The following CYP2A6 variants were observed in gnomAD, a reference collection of about 807,000 sequenced individuals.
CYP2A6 encodes cytochrome P450 2A6.
A neutral mutation model predicts 42.3 loss-of-function variants in CYP2A6; 27 were observed. The observed-to-expected ratio is 0.64, with a 90% confidence interval of 0.47 to 0.88. CYP2A6 has a LOEUF of 0.88. Ranked by LOEUF, CYP2A6 falls within the 40% of genes least tolerant of loss-of-function variation. The pLI, the probability that CYP2A6 is intolerant of heterozygous loss-of-function variation, is 0.00. For missense variants in CYP2A6, 628 were observed against 646.0 expected, an observed-to-expected ratio of 0.97 and a Z score of 0.30; for synonymous variants, 238 against 246.3, an observed-to-expected ratio of 0.97 and a Z score of 0.31.
chr19:40,849,968 A>G lies in CYP2A6; in HGVS notation c.193T>C (p.Tyr65His), dbSNP rs1967190483. ...AAGTGAATGGTGAACACGGGGCCAT[A>G]GCGCTCACTGATCTGATGGAGGTGG... ...YNSLMKISER[Y>H]GPVFTIHLGP... The change falls in exon 2 of 9, where the codon TAT (tyrosine) becomes CAT (histidine). Residue 65 changes from tyrosine to histidine, a missense_variant. This residue lies in a region of CYP2A6 where 606 missense variants were observed against 568.1 expected (regional missense o/e 1.07). Coordinates refer to ENST00000301141, the MANE Select transcript of CYP2A6 (RefSeq NM_000762.6). The G allele has an allele frequency of 1.2e-6, 2 of 1,610,920 alleles. No individual in the cohort carries two copies. Among genetic ancestry groups the G allele is most frequent in the Non-Finnish European group, 1.7e-6 (2 of 1,179,430 alleles).
chr19:40,850,310 T>C lies in CYP2A6; in HGVS notation c.117A>G (p.Pro39=). The C allele has an allele frequency of 1.2e-6, 2 of 1,610,024 alleles. No homozygotes were observed. Among genetic ancestry groups the C allele is most frequent in the Non-Finnish European group, 1.7e-6 (2 of 1,178,810 alleles). The change falls in exon 1 of 9, where the codon CCA becomes CCG. Residue 39 remains proline, a synonymous_variant. Transcript: ENST00000301141. ...GCAGGTAGTTTCCAATGAAGGGCAA[T>C]GGGGTGGGTCCCGGAGGCAGCTTCC... The part of the protein sequence containing the change: ...SKGKLPPGPT[P]LPFIGNYLQL...
At chr19:40,845,121 A>T in intron 7 of CYP2A6, 173 bp downstream of exon 7, 1 of 759,674 alleles carries the variant, frequency 1.3e-6, no homozygotes, top group South Asian at 1.8e-5. Context: ...GAGATGCAGG[A>T]CTCAGGAGTG....
In CYP2A6 at chr19:40,848,715, G is replaced by T; in HGVS notation, c.392C>A (p.Ser131Tyr). 1 of 1,611,880 alleles carries T rather than the reference G, an allele frequency of 6.2e-7. No individual in the cohort carries two copies. The highest frequency in any genetic ancestry group is 1.3e-5 in the African/African-American group (1 of 74,830). ...GERAKQLRRF[S>Y]IATLRDFGVG... ...CCCGAAGTCCCGCAGGGTGGCGATG[G>T]AGAAGCGCCGGAGCTGCTTGGCGCG... The change falls in exon 3 of 9, where the codon TCC becomes TAC. Residue 131 changes from serine (S) to tyrosine (Y), a missense_variant. Coordinates refer to ENST00000301141, the MANE Select transcript of CYP2A6 (RefSeq NM_000762.6).
chr19:40,845,200 C>T (rs1474119215), intron 7 of CYP2A6, 94 bp downstream of exon 7: 3 of 1,515,294 alleles, frequency 2.0e-6, no homozygotes, highest in Non-Finnish European at 2.7e-6. Flanking sequence ...GGGAGTGGGA[C>T]AGGGTCTAGA....
Position 40,843,940 on chromosome 19 carries a change from C to A in CYP2A6, c.1341G>T (p.Met447Ile). The part of the protein sequence containing the change: ...RNCFGEGLAR[M>I]ELFLFFTTVM... Reference sequence around the variant, plus strand: ...CGGTGGTGAAGAAGAGAAAGAGCTCCATTCTGGCCAGGCCTTCTCCGAAAC... The same window carrying A: ...CGGTGGTGAAGAAGAGAAAGAGCTCAATTCTGGCCAGGCCTTCTCCGAAAC... Residue 447 changes from methionine (M) to isoleucine (I), a missense_variant, in exon 9 of 9, where the codon ATG (methionine) becomes ATT (isoleucine). Transcript: ENST00000301141. 6.2e-7 allele frequency: 1 copy of A among 1,610,884 alleles called. No individual in the cohort carries two copies. The highest frequency in any genetic ancestry group is 1.7e-5 in the Admixed American group (1 of 59,596).
Position 40,843,747 on chromosome 19 carries a change from G to T in CYP2A6, c.*49C>A, listed in dbSNP as rs958569659. ...CTCTCCCAAGCCCGGTCTTGGCCCT[G>T]CCCTTTCCCTGGCCCCGCCCACCAG... On this transcript the variant is annotated 3_prime_UTR_variant, in exon 9 of 9. Coordinates refer to ENST00000301141, the MANE Select transcript of CYP2A6 (RefSeq NM_000762.6). The T allele has an allele frequency of 3.8e-6, 5 of 1,300,686 alleles. 1 individual carries two copies. In the African/African-American group the frequency reaches 7.7e-5, roughly 20 times the overall value. The allele number at this position is 1,300,686 out of a possible 1,614,324, so 80.6% of individuals were successfully genotyped here.
chr19:40,848,602 T>C lies in CYP2A6; in HGVS notation c.493+12A>G. On this transcript the variant is annotated intron_variant, in intron 3 of 8. Coordinates refer to ENST00000301141, the MANE Select transcript of CYP2A6 (RefSeq NM_000762.6). ...CCTTCTCCTGCCCCCGCACTCGGGGTCCCCTGCTCACCGCCAGTGCCCCGG... is the reference window on the plus strand; with the variant it reads ...CCTTCTCCTGCCCCCGCACTCGGGGCCCCCTGCTCACCGCCAGTGCCCCGG... The C allele has an allele frequency of 6.2e-7, 1 of 1,608,090 alleles. No individual in the cohort carries two copies. The highest frequency in any genetic ancestry group is 1.3e-5 in the African/African-American group (1 of 74,496).
chr19:40,845,154 A>T (rs1232126850), intron 7 of CYP2A6, 140 bp downstream of exon 7: 2 of 1,023,650 alleles, frequency 2.0e-6, no homozygotes, highest in Non-Finnish European at 1.5e-6. Context: ...GGTGGAACGG[A>T]TGTGGTGGTT....
intron 8 of CYP2A6, among the ~76,000 whole-genome samples, chr19:40,844,199 A>C (rs1379658983): frequency 6.6e-6 from 1 of 151,146 alleles, no homozygotes; most frequent in Non-Finnish European, 1.5e-5. Context: ...AACAAAGTCC[A>C]TAGTTTACAT....
chr19:40,847,015 G>A lies in CYP2A6; in HGVS notation c.691C>T (p.Pro231Ser), dbSNP rs557976670. The A allele has an allele frequency of 3.1e-6, 5 of 1,611,826 alleles. No individual in the cohort carries two copies. In the African/African-American group the frequency reaches 6.7e-5, roughly 22 times the overall value. The change falls in exon 5 of 9, where the codon CCA (proline) becomes TCA (serine). Residue 231 changes from proline to serine, a missense_variant. Pro to Ser is a moderately conservative substitution (Grantham distance 74, BLOSUM62 -1). Coordinates refer to ENST00000301141, the MANE Select transcript of CYP2A6 (RefSeq NM_000762.6). ...EMFSSVMKHL[P>S]GPQQQAFQLL... is the part of the protein sequence containing the mutation. ...TGAAAGGCCTGTTGCTGTGGTCCTG[G>A]CAGGTGTTTCATCACCGAAGAGAAC...
At position 40,847,003 on chromosome 19, in the gene CYP2A6, G is replaced by T. The variant is rs779446964; in HGVS notation, c.703C>A (p.Gln235Lys). 1 of 1,611,930 alleles carries T rather than the reference G, an allele frequency of 6.2e-7. No homozygotes were observed. The highest frequency in any genetic ancestry group is 8.5e-7 in the Non-Finnish European group (1 of 1,179,850). The change falls in exon 5 of 9, where the codon CAA becomes AAA. Residue 235 changes from glutamine to lysine, a missense_variant. This residue lies in a region of CYP2A6 where 606 missense variants were observed against 568.1 expected (regional missense o/e 1.07). Transcript: ENST00000301141. ...SVMKHLPGPQ[Q>K]QAFQLLQGLE... is the part of the protein sequence containing the mutation. ...CCTTGCAGCAACTGAAAGGCCTGTTGCTGTGGTCCTGGCAGGTGTTTCATC... is the reference window on the plus strand; with the variant it reads ...CCTTGCAGCAACTGAAAGGCCTGTTTCTGTGGTCCTGGCAGGTGTTTCATC...
At chr19:40,846,366 T>C (rs555452558) in intron 5 of CYP2A6, among the ~76,000 whole-genome samples, 1 of 150,886 alleles carries the variant, frequency 6.6e-6, no homozygotes, top group Non-Finnish European at 1.5e-5. Context: ...TTTTTTTTCT[T>C]ATACTGACTT....
At chr19:40,849,045 G>GAGAGAGAGGAGAGA (rs1235580651) in intron 2 of CYP2A6, among the ~76,000 whole-genome samples, 2 of 24,240 alleles carry the variant, frequency 8.3e-5, no homozygotes, top group Admixed American at 6.3e-4. Flanking sequence ...AAGAGAGAGA[G>GAGAGAGAGGAGAGA]GAGAGAGAGA....
intron 6 of CYP2A6, among the ~76,000 whole-genome samples, chr19:40,845,721 A>T (rs2145121257): frequency 6.6e-6 from 1 of 151,562 alleles, no homozygotes; most frequent in East Asian, 2.0e-4. Context: ...TGGAACGGGC[A>T]GTGGGCACTC....
chr19:40,845,401 T>G lies in CYP2A6; in HGVS notation c.1054A>C (p.Met352Leu). Residue 352 changes from methionine (M) to leucine (L), a missense_variant, in exon 7 of 9, where the codon ATG becomes CTG. Transcript: ENST00000301141. The part of the protein sequence containing the change: ...KFEDRAKMPY[M>L]EAVIHEIQRF... ...TGGATCTCGTGGATCACTGCCTCCA[T>G]GTAGGGCATCTTGGCCCGGTCCTCA... 1.2e-6 allele frequency: 2 copies of G among 1,611,770 alleles called. No individual in the cohort carries two copies. Among genetic ancestry groups the G allele is most frequent in the Non-Finnish European group, 1.7e-6 (2 of 1,179,898 alleles).
At chr19:40,846,549 G>A (rs1264624923) in intron 5 of CYP2A6, among the ~76,000 whole-genome samples, 2 of 151,274 alleles carry the variant, frequency 1.3e-5, no homozygotes, top group African/African-American at 4.9e-5. Flanking sequence ...CACCCAGACT[G>A]GAGTGCAATG....
intron 2 of CYP2A6, among the ~76,000 whole-genome samples, chr19:40,849,045 G>GAGAGAGAGAGAGA (rs1235580651): frequency 8.3e-5 from 2 of 24,238 alleles, no homozygotes; most frequent in Non-Finnish European, 6.9e-5. Context: ...AAGAGAGAGA[G>GAGAGAGAGAGAGA]GAGAGAGAGA....
chr19:40,847,066 A>G lies in CYP2A6; in HGVS notation c.655-15T>C. ...ATCTCATAGAGCTGGGGTTGCAGAG[A>G]GAGGATGGGAAGGGAAGGACAGCTG... On this transcript the variant is annotated splice_polypyrimidine_tract_variant and intron_variant, in intron 4 of 8. Coordinates refer to ENST00000301141, the MANE Select transcript of CYP2A6 (RefSeq NM_000762.6). The G allele has an allele frequency of 6.2e-7, 1 of 1,609,300 alleles. No homozygotes were observed. Among genetic ancestry groups the G allele is most frequent in the South Asian group, 1.1e-5 (1 of 90,506 alleles).
chr19:40,849,862 C>G lies in CYP2A6; in HGVS notation c.299G>C (p.Gly100Ala). The change falls in exon 2 of 9, where the codon GGG (glycine) becomes GCG (alanine). Residue 100 changes from glycine (G) to alanine (A), a missense_variant. This residue lies in a region of CYP2A6 where 606 missense variants were observed against 568.1 expected (regional missense o/e 1.07). Coordinates refer to ENST00000301141, the MANE Select transcript of CYP2A6 (RefSeq NM_000762.6). ...GTCGAAGGTGGCTTGCTCGCCTCGCCCGCTGAACTCCTCAGCCTGGTCCAC... is the reference window on the plus strand; with the variant it reads ...GTCGAAGGTGGCTTGCTCGCCTCGCGCGCTGAACTCCTCAGCCTGGTCCAC... ...ALVDQAEEFS[G>A]RGEQATFDWV... is the part of the protein sequence containing the mutation. The G allele has an allele frequency of 3.7e-6, 6 of 1,611,460 alleles. 1 individual carries two copies. Among genetic ancestry groups the G allele is most frequent in the Non-Finnish European group, 5.1e-6 (6 of 1,179,760 alleles).
Sources: gnomAD v4.1 joint callset for allele counts (sites outside exome capture counted in the v4.1 genomes callset) on GRCh38, gnomAD v4.1.1 for gene constraint, gnomAD v4.1.1 regional missense constraint, MANE v1.5 for transcripts, NCBI Gene and HGNC (gene_info 2026-07-23, HGNC 2026-07-21) for gene names.